LIX1: variants seen among roughly 807,000 people sequenced by gnomAD.
LIX1 encodes the protein protein limb expression 1 homolog.
Under a neutral mutation model 33.4 loss-of-function variants are expected in LIX1, and 24 were observed. That is an observed-to-expected ratio of 0.72 (90% CI 0.52 to 1.01). The LOEUF (loss-of-function observed/expected upper bound fraction) is 1.01. Ranked by LOEUF, LIX1 falls within the 50% of genes least tolerant of loss-of-function variation. The pLI is 0.00. For synonymous variants in LIX1, 124 were observed against 124.0 expected, an observed-to-expected ratio of 1.00 and a Z score of 0.00; for missense variants, 311 against 339.2, an observed-to-expected ratio of 0.92 and a Z score of 0.65.
intron 4 of LIX1, chr5:97,103,225 C>T (rs1746814392): frequency 2.9e-6 from 1 of 350,684 alleles, no homozygotes. Flanking sequence ...CTCTTTTATC[C>T]TACAATAGGG....
chr5:97,117,217 C>G (rs1387178943), intron 2 of LIX1, among the ~76,000 whole-genome samples: 2 of 152,134 alleles, frequency 1.3e-5, no homozygotes, highest in South Asian at 2.1e-4. Context: ...AGATTTCCAC[C>G]AGGAAATACC....
At chr5:97,129,798 A>C (rs1748015039) in intron 1 of LIX1, among the ~76,000 whole-genome samples, 1 of 152,250 alleles carries the variant, frequency 6.6e-6, no homozygotes, top group Admixed American at 6.5e-5. Flanking sequence ...ATGTTAGTCA[A>C]GTATTTGAAT....
chr5:97,114,416 C>G (rs948979822), intron 2 of LIX1, among the ~76,000 whole-genome samples: 17 of 152,256 alleles, frequency 1.1e-4, no homozygotes, highest in African/African-American at 3.6e-4. Context: ...CCAAGACTAA[C>G]TCATTTTGGC....
At chr5:97,141,336 G>GT (rs1333388656) in intron 1 of LIX1, among the ~76,000 whole-genome samples, 1 of 152,106 alleles carries the variant, frequency 6.6e-6, no homozygotes, top group East Asian at 1.9e-4. Flanking sequence ...AGTGGAGAGA[G>GT]TGATTTTTAT....
intron 1 of LIX1, chr5:97,137,281 A>G (rs1349731043): frequency 4.0e-6 from 1 of 253,068 alleles, no homozygotes; most frequent in East Asian, 1.0e-4. Context: ...ATCTCACAGG[A>G]TAGGTGTCTA....
chr5:97,130,698 TAGA>T (rs1748035620), intron 1 of LIX1, among the ~76,000 whole-genome samples: 7 of 152,212 alleles, frequency 4.6e-5, no homozygotes, highest in Admixed American at 3.3e-4. Context: ...ACGTAAGAAG[TAGA>T]AGGAGACATA....
intron 1 of LIX1, among the ~76,000 whole-genome samples, chr5:97,127,501 CTATCTA>C (rs1449296022): frequency 6.6e-6 from 1 of 152,110 alleles, no homozygotes; most frequent in Non-Finnish European, 1.5e-5. Context: ...CTTTCTATCT[CTATCTA>C]TTCTTGTCGA....
At chr5:97,132,509 C>T (rs188640486) in intron 1 of LIX1, among the ~76,000 whole-genome samples, 42 of 152,134 alleles carry the variant, frequency 2.8e-4, no homozygotes, top group Middle Eastern at 3.4e-3. Context: ...ATGATACTCC[C>T]ATTGAGGAAC....
intron 2 of LIX1, among the ~76,000 whole-genome samples, chr5:97,112,498 C>T (rs1344076981): frequency 6.6e-6 from 1 of 152,078 alleles, no homozygotes; most frequent in Non-Finnish European, 1.5e-5. Flanking sequence ...TTAGCCAGGC[C>T]CTAATCATAA....
intron 1 of LIX1, among the ~76,000 whole-genome samples, chr5:97,126,899 A>G (rs999527201): frequency 6.6e-6 from 1 of 152,082 alleles, no homozygotes; most frequent in Admixed American, 6.5e-5. Flanking sequence ...CGGCCTCCCA[A>G]AGTGCTGGGA....
At chr5:97,115,300 A>G (rs1436462347) in intron 2 of LIX1, among the ~76,000 whole-genome samples, 1 of 152,238 alleles carries the variant, frequency 6.6e-6, no homozygotes, top group African/African-American at 2.4e-5. Context: ...ATAAGAAATT[A>G]GTTTTTTTAT....
In LIX1 at chr5:97,093,810, C is replaced by T. The variant is rs987801841; in HGVS notation, c.*938G>A. ...TTATGTTCTTGAACAACAAACAGAG[C>T]TAAAGGGTCCTTCTCTCAAATGCTG... On this transcript the variant is annotated 3_prime_UTR_variant, in exon 6 of 6. Transcript: ENST00000274382. 2 of 152,210 alleles carry T rather than the reference C, an allele frequency of 1.3e-5. No homozygotes were observed. Among genetic ancestry groups the T allele is most frequent in the African/African-American group, 4.8e-5 (2 of 41,394 alleles). 9.4% of individuals were successfully genotyped at this position (152,210 alleles called of 1,614,324 possible). A position where few individuals can be genotyped will look rare whatever the true frequency, so the allele number is the denominator to read the frequency against.
At chr5:97,137,018 T>C (rs1748186608) in intron 1 of LIX1, 1 of 360,356 alleles carries the variant, frequency 2.8e-6, no homozygotes, top group Non-Finnish European at 5.5e-6. Flanking sequence ...GCTTCTAAAG[T>C]TGTCTTACAT....
At position 97,124,541 on chromosome 5, in the gene LIX1, C is replaced by T; in HGVS notation, c.171G>A (p.Glu57=). The change falls in exon 2 of 6, where the codon GAG becomes GAA. Residue 57 remains glutamate (E), a synonymous_variant. Coordinates refer to ENST00000274382, the MANE Select transcript of LIX1 (RefSeq NM_153234.5). ...AFPSEGVVVY[E]SLPAPGPPFV... Reference sequence around the variant, plus strand: ...AGGGAGGCCCAGGAGCTGGCAGTGACTCATAGACCACCACACCTTCACTTG... The same window carrying T: ...AGGGAGGCCCAGGAGCTGGCAGTGATTCATAGACCACCACACCTTCACTTG... 6.2e-7 allele frequency: 1 copy of T among 1,612,946 alleles called. No homozygotes were observed. Among genetic ancestry groups the T allele is most frequent in the Non-Finnish European group, 8.5e-7 (1 of 1,179,278 alleles).
intron 3 of LIX1, among the ~76,000 whole-genome samples, chr5:97,106,753 T>A (rs1412046807): frequency 3.9e-5 from 6 of 152,252 alleles, no homozygotes; most frequent in African/African-American, 1.4e-4. Context: ...GGTGTTTTGC[T>A]CTTAAAGCAC....
Position 97,107,439 on chromosome 5 carries a change from A to G in LIX1, c.308T>C (p.Leu103Pro). The G allele has an allele frequency of 1.9e-6, 3 of 1,613,434 alleles. No homozygotes were observed. Among genetic ancestry groups the G allele is most frequent in the Non-Finnish European group, 2.5e-6 (3 of 1,179,994 alleles). The change falls in exon 3 of 6, where the codon CTC becomes CCC. Residue 103 changes from leucine (L) to proline (P), a missense_variant. Physicochemically the swap from Leu to Pro is moderately conservative, Grantham distance 98. Transcript: ENST00000274382. ...CCTGCGAGAGGGCAGCTCATTGAAG[A>G]GGGAGTTGATCAGGGCCACTTTAGC... ...DAAKVALINS[L>P]FNELPSRRIT... is the part of the protein sequence containing the mutation.
intron 2 of LIX1, among the ~76,000 whole-genome samples, chr5:97,121,664 G>A (rs1439480689): frequency 6.6e-6 from 1 of 152,078 alleles, no homozygotes; most frequent in Non-Finnish European, 1.5e-5. Flanking sequence ...AAAATTTTCT[G>A]AGGATATTAA....
chr5:97,106,686 G>GA (rs1747048726), intron 3 of LIX1, among the ~76,000 whole-genome samples: 1 of 151,944 alleles, frequency 6.6e-6, no homozygotes, highest in Non-Finnish European at 1.5e-5. Context: ...TCATTCATGG[G>GA]ACAAATATCC....
intron 4 of LIX1, among the ~76,000 whole-genome samples, chr5:97,104,576 C>A (rs368958085): frequency 5.3e-5 from 8 of 152,260 alleles, no homozygotes; most frequent in East Asian, 1.9e-4. Context: ...ATGCTAAGCA[C>A]GGGCCAAAGT....
Sources: gnomAD v4.1 joint callset for allele counts (sites outside exome capture counted in the v4.1 genomes callset) on GRCh38, gnomAD v4.1.1 for gene constraint, MANE v1.5 for transcripts, NCBI Gene and HGNC (gene_info 2026-07-23, HGNC 2026-07-21) for gene names.